The following TCERG1L variants were observed in gnomAD, a reference collection of about 807,000 sequenced individuals.
TCERG1L encodes transcription elongation regulator 1-like protein.
In TCERG1L, 37 loss-of-function variants were observed where a neutral mutation model predicts 56.3. The observed-to-expected ratio is 0.66, with a 90% CI of 0.51 to 0.87. The LOEUF is 0.87. Among genes scored for constraint, TCERG1L ranks in the 40% least tolerant of loss-of-function variants. The probability of loss-of-function intolerance (pLI) is 0.00; values close to 1 mark genes in which losing one functional copy is unlikely to be tolerated. For missense variants in TCERG1L, 799 were observed against 774.2 expected, an observed-to-expected ratio of 1.03 and a Z score of -0.38; for synonymous variants, 324 against 326.3, an observed-to-expected ratio of 0.99 and a Z score of 0.08.
intron 3 of TCERG1L, among the ~76,000 whole-genome samples, chr10:131,265,398 G>C (rs1484101127): frequency 6.6e-6 from 1 of 152,218 alleles, no homozygotes; most frequent in East Asian, 1.9e-4. Context: ...AGTGAAGACA[G>C]AAAGTTAATC....
At chr10:131,206,516 G>A (rs1227494850) in intron 4 of TCERG1L, among the ~76,000 whole-genome samples, 1 of 152,346 alleles carries the variant, frequency 6.6e-6, no homozygotes, top group Non-Finnish European at 1.5e-5. Flanking sequence ...AGCGCCCCTC[G>A]TGGGCGGCTG....
At chr10:131,190,815 G>A (rs2133462194) in intron 4 of TCERG1L, among the ~76,000 whole-genome samples, 1 of 144,090 alleles carries the variant, frequency 6.9e-6, no homozygotes, top group African/African-American at 2.6e-5. Context: ...AACAAGATAA[G>A]GATGCCTAGT....
intron 6 of TCERG1L, among the ~76,000 whole-genome samples, chr10:131,151,661 T>C (rs758418789): frequency 6.6e-6 from 1 of 152,122 alleles, no homozygotes; most frequent in Non-Finnish European, 1.5e-5. Context: ...TGGAGGACAA[T>C]GGCCTTCTTC....
chr10:131,286,089 A>C (rs1483172455), intron 3 of TCERG1L, among the ~76,000 whole-genome samples: 2 of 152,192 alleles, frequency 1.3e-5, no homozygotes, highest in Admixed American at 6.5e-5. Flanking sequence ...GGAAAAGAAG[A>C]AAGAAATCTC....
intron 4 of TCERG1L, among the ~76,000 whole-genome samples, chr10:131,184,604 GA>G (rs1243794765): frequency 1.3e-5 from 2 of 152,242 alleles, no homozygotes; most frequent in Non-Finnish European, 2.9e-5. Context: ...ACCTCAGGTA[GA>G]AAATGCGTCT....
At chr10:131,155,418 C>A (rs901057168) in intron 6 of TCERG1L, among the ~76,000 whole-genome samples, 1 of 152,246 alleles carries the variant, frequency 6.6e-6, no homozygotes, top group Non-Finnish European at 1.5e-5. Flanking sequence ...AGACACAAGT[C>A]CCCGGAGGCT....
At chr10:131,155,796 AC>A (rs922723118) in intron 6 of TCERG1L, among the ~76,000 whole-genome samples, 4 of 151,692 alleles carry the variant, frequency 2.6e-5, no homozygotes, top group Non-Finnish European at 5.9e-5. Context: ...CCCACGGCCC[AC>A]CCCCCACTCC....
chr10:131,282,183 C>A (rs1846466293), intron 3 of TCERG1L, among the ~76,000 whole-genome samples: 1 of 151,190 alleles, frequency 6.6e-6, no homozygotes, highest in Non-Finnish European at 1.5e-5. Flanking sequence ...TTCTGCAAAG[C>A]CACTTAGGAG....
chr10:131,186,177 C>A (rs1845243428), intron 4 of TCERG1L, among the ~76,000 whole-genome samples: 1 of 152,060 alleles, frequency 6.6e-6, no homozygotes, highest in Non-Finnish European at 1.5e-5. Context: ...AGACAGAAAG[C>A]AGGTTGGTAT....
At chr10:131,237,131 C>A (rs1448835083) in intron 4 of TCERG1L, among the ~76,000 whole-genome samples, 1 of 152,028 alleles carries the variant, frequency 6.6e-6, no homozygotes, top group Non-Finnish European at 1.5e-5. Context: ...CAGGCTCACT[C>A]CTGACGGAGG....
At chr10:131,303,349 G>A (rs1478971039) in intron 3 of TCERG1L, among the ~76,000 whole-genome samples, 3 of 152,020 alleles carry the variant, frequency 2.0e-5, no homozygotes, top group South Asian at 4.1e-4. Context: ...TCTCAGTGTG[G>A]TTTTGATTTG....
chr10:131,109,775 G>A (rs185882913), intron 9 of TCERG1L, among the ~76,000 whole-genome samples: 22 of 152,284 alleles, frequency 1.4e-4, no homozygotes, highest in African/African-American at 5.1e-4. Flanking sequence ...CACGCCGGCT[G>A]GAGCTCCTCT....
At chr10:131,196,818 C>G (rs767715749) in intron 4 of TCERG1L, among the ~76,000 whole-genome samples, 1 of 152,256 alleles carries the variant, frequency 6.6e-6, no homozygotes, top group African/African-American at 2.4e-5. Flanking sequence ...CATGCGCTAG[C>G]TGCCATTCAC....
chr10:131,131,099 G>A (rs558080208), intron 8 of TCERG1L, among the ~76,000 whole-genome samples: 1 of 152,194 alleles, frequency 6.6e-6, no homozygotes, highest in Admixed American at 6.5e-5. Flanking sequence ...GATGACTTAA[G>A]AAAATATATT....
intron 3 of TCERG1L, among the ~76,000 whole-genome samples, chr10:131,296,902 T>C (rs1846698516): frequency 6.6e-6 from 1 of 152,252 alleles, no homozygotes; most frequent in Admixed American, 6.5e-5. Context: ...TTACCAGTAA[T>C]ACAGGGGTAC....
intron 3 of TCERG1L, among the ~76,000 whole-genome samples, chr10:131,281,831 C>A (rs1272134601): frequency 7.1e-6 from 1 of 141,770 alleles, no homozygotes; most frequent in Non-Finnish European, 1.6e-5. Flanking sequence ...GTGAGGACTG[C>A]CTGAGACCAA....
At position 131,290,940 on chromosome 10, in the gene TCERG1L, G is replaced by A. The variant is rs75017784; in HGVS notation, c.670+17271C>T. 5.7e-3 allele frequency among the ~76,000 whole-genome samples: 863 copies of A among 152,260 alleles called. 12 individuals are homozygous for A. The highest frequency in any genetic ancestry group is 0.019 in the African/African-American group (804 of 41,540). On this transcript the variant is annotated intron_variant, in intron 3 of 11. Coordinates refer to ENST00000368642, the MANE Select transcript of TCERG1L (RefSeq NM_174937.4). ...AAAGGATCTAAAAGTTATGCTGCAG[G>A]CGTGGCCCGTTGCATCCCACTTCCC...
chr10:131,285,500 GAA>G (rs1307643012), intron 3 of TCERG1L, among the ~76,000 whole-genome samples: 2,841 of 24,922 alleles, frequency 0.11, 130 homozygotes, highest in African/African-American at 0.13. Context: ...AAGAAAGAAA[GAA>G]AGAAAGAAAG....
chr10:131,280,255 A>G (rs1247759363), intron 3 of TCERG1L, among the ~76,000 whole-genome samples: 1 of 151,946 alleles, frequency 6.6e-6, no homozygotes, highest in African/African-American at 2.4e-5. Flanking sequence ...GCAATCAGAC[A>G]TGCACTTAAC....
Sources: allele counts gnomAD v4.1 joint callset (sites outside exome capture counted in the v4.1 genomes callset), GRCh38; gene constraint gnomAD v4.1.1; transcripts MANE v1.5; gene names NCBI Gene and HGNC (gene_info 2026-07-23, HGNC 2026-07-21).